The following FBXW5 variants were observed in gnomAD, a reference collection of about 807,000 sequenced individuals.
FBXW5 encodes the protein F-box and WD repeat domain containing 5, also known as F-box/WD repeat-containing protein 5.
Under a neutral mutation model 50.9 loss-of-function variants are expected in FBXW5, and 74 were observed. The ratio of observed to expected loss-of-function variants is 1.45; its 90% CI spans 1.20 to 1.76. The LOEUF (loss-of-function observed/expected upper bound fraction) is 1.76, where lower values mean the gene tolerates loss of function less well. FBXW5 is among the 40% of genes most tolerant of loss of function. The pLI is 0.00. For synonymous variants in FBXW5, 523 were observed against 362.2 expected (o/e 1.44, Z -5.04); for missense variants, 1,073 against 818.8 (o/e 1.31, Z -3.79).
At chr9:136,944,151 A>T (rs1850937090) in intron 1 of FBXW5, 45 bp from the exon 2 acceptor site, 1 of 1,484,762 alleles carries the variant, frequency 6.7e-7, no homozygotes, top group African/African-American at 1.4e-5. Flanking sequence ...CCGGGAAGGG[A>T]GGCCGAGAGC....
Position 136,942,121 on chromosome 9 carries a change from G to A in FBXW5, c.1021C>T (p.Arg341Cys), listed in dbSNP as rs373092014. 24 of 1,611,984 alleles carry A rather than the reference G, an allele frequency of 1.5e-5. No homozygotes were observed. The highest frequency in any genetic ancestry group is 9.3e-5 in the African/African-American group (7 of 75,052). ...TTGCTCTTGGCGCCTGTGGCACTGC[G>A]CTCGGGTGGCTTGGTGTGGCCCTGG... ...LAQGHTKPPE[R>C]SATGAKSKYL... is the part of the protein sequence containing the mutation. Residue 341 changes from arginine to cysteine, a missense_variant, in exon 6 of 9, where the codon CGC becomes TGC. Physicochemically the swap from Arg to Cys is radical, Grantham distance 180. Transcript: ENST00000325285.
intron 2 of FBXW5, 85 bp downstream of exon 2, chr9:136,943,806 G>C: frequency 1.4e-6 from 2 of 1,402,446 alleles, no homozygotes; most frequent in Non-Finnish European, 1.9e-6. Flanking sequence ...GCCGCGGGGC[G>C]GGCCCCCAGC....
At position 136,941,567 on chromosome 9, in the gene FBXW5, A is replaced by T. The variant is rs758054443; in HGVS notation, c.1214T>A (p.Ile405Asn). 1 of 1,610,028 alleles carries T rather than the reference A, an allele frequency of 6.2e-7. No homozygotes were observed. Reference sequence around the variant, plus strand: ...GTCGGGCGACAGGCCCATGCCGATGATGTGTCCGTGTATGTCTATGACGTG... The same window carrying T: ...GTCGGGCGACAGGCCCATGCCGATGTTGTGTCCGTGTATGTCTATGACGTG... ...LDHVIDIHGHIIGMGLSPDNR... is the reference protein window; with the variant it reads ...LDHVIDIHGHNIGMGLSPDNR... Residue 405 changes from isoleucine (I) to asparagine (N), a missense_variant, in exon 7 of 9, where the codon ATC (isoleucine) becomes AAC (asparagine). Transcript: ENST00000325285.
In FBXW5 at chr9:136,943,441, T is replaced by C. The variant is rs1046743187; in HGVS notation, c.259A>G (p.Thr87Ala). 8.7e-6 allele frequency: 14 copies of C among 1,612,826 alleles called. No individual in the cohort carries two copies. Among genetic ancestry groups the C allele is most frequent in the Non-Finnish European group, 1.2e-5 (14 of 1,179,948 alleles). ...YDTVPCVEVQ[T>A]LREHTDQVLH... is the part of the protein sequence containing the mutation. ...ACCTGGTCTGTGTGTTCCCGCAGCGTCTGCACCTCCACGCAGGGCACCGTG... is the reference window on the plus strand; with the variant it reads ...ACCTGGTCTGTGTGTTCCCGCAGCGCCTGCACCTCCACGCAGGGCACCGTG... Residue 87 changes from threonine (T) to alanine (A), a missense_variant, in exon 3 of 9, where the codon ACG becomes GCG. By Grantham distance (58) the Thr-to-Ala change is moderately conservative. Transcript: ENST00000325285.
At position 136,941,189 on chromosome 9, in the gene FBXW5, G is replaced by A. The variant is rs1222104756; in HGVS notation, c.1458-18C>T. ...CCGCCCCGCTGCAGAACAGCGCCTG[G>A]GTGAGCCGGCCGCCCGCCCGCTGCT... On this transcript the variant is annotated intron_variant, in intron 8 of 8. Coordinates refer to ENST00000325285, the MANE Select transcript of FBXW5 (RefSeq NM_018998.4). 2 of 1,599,224 alleles carry A rather than the reference G, an allele frequency of 1.3e-6. No individual in the cohort carries two copies. The highest frequency in any genetic ancestry group is 1.7e-6 in the Non-Finnish European group (2 of 1,175,716).
At position 136,941,252 on chromosome 9, in the gene FBXW5, T is replaced by G; in HGVS notation, c.1456A>C (p.Ser486Arg). 3 of 1,604,124 alleles carry G rather than the reference T, an allele frequency of 1.9e-6. No individual in the cohort carries two copies. Among genetic ancestry groups the G allele is most frequent in the Non-Finnish European group, 2.5e-6 (3 of 1,179,150 alleles). Residue 486 changes from serine to arginine, a missense_variant and splice_region_variant, in exon 8 of 9, where the codon AGC (serine) becomes CGC (arginine). Coordinates refer to ENST00000325285, the MANE Select transcript of FBXW5 (RefSeq NM_018998.4). ...FLDVSRDFVA[S>R]GAEDRHGYIW... The stretch of plus-strand genomic sequence containing the variant: ...CCTGCACCACGCCGCGCCCTGCACC[T>G]GGCCACGAAGTCCCTGCTGACGTCC...
intron 1 of FBXW5, 41 bp from the exon 2 acceptor site, chr9:136,944,147 A>G: frequency 6.7e-7 from 1 of 1,489,128 alleles, no homozygotes; most frequent in East Asian, 2.5e-5. Context: ...AGGCCCGGGA[A>G]GGGAGGCCGA....
rs1181023668 is a variant in FBXW5 at position 136,941,306 on chromosome 9, G to A, written c.1402C>T (p.Pro468Ser). 3 of 1,609,524 alleles carry A rather than the reference G, an allele frequency of 1.9e-6. No homozygotes were observed. The highest frequency in any genetic ancestry group is 1.3e-5 in the African/African-American group (1 of 74,928). The change falls in exon 8 of 9, where the codon CCC (proline) becomes TCC (serine). Residue 468 changes from proline (P) to serine (S), a missense_variant. Pro to Ser is a moderately conservative substitution (Grantham distance 74). Coordinates refer to ENST00000325285, the MANE Select transcript of FBXW5 (RefSeq NM_018998.4). ...RALRAHRAYT[P>S]NDECFFIFLD... ...AAGATGAAGAAGCACTCGTCGTTGG[G>A]CGTGTAGGCGCGGTGCGCACGCAGA...
rs771740743 is a variant in FBXW5 at position 136,942,080 on chromosome 9, G to T, written c.1062C>A (p.Thr354=). ...GTGGGGAGTAGGTGAGGCAGCCAGT[G>T]GTGAAGATGAGGTACTTGCTCTTGG... ...TGAKSKYLIF[T]TGCLTYSPHQ... Residue 354 remains threonine, a synonymous_variant, in exon 6 of 9, where the codon ACC becomes ACA. Coordinates refer to ENST00000325285, the MANE Select transcript of FBXW5 (RefSeq NM_018998.4). 1.9e-6 allele frequency: 3 copies of T among 1,611,932 alleles called. No individual in the cohort carries two copies. The highest frequency in any genetic ancestry group is 1.7e-6 in the Non-Finnish European group (2 of 1,178,532).
rs777472076 is a variant in FBXW5 at position 136,941,059 on chromosome 9, C to T, written c.1570G>A (p.Glu524Lys). ...TCGTCGCTGGCCGTGAGCAGCAGCT[C>T]CTGCTCCTGGGGACTGAAGACCACT... ...NSVVFSPQEQ[E>K]LLLTASDDAT... is the part of the protein sequence containing the mutation. Residue 524 changes from glutamate (E) to lysine (K), a missense_variant, in exon 9 of 9, where the codon GAG becomes AAG. Coordinates refer to ENST00000325285, the MANE Select transcript of FBXW5 (RefSeq NM_018998.4). The T allele has an allele frequency of 6.4e-7, 1 of 1,558,152 alleles. No individual in the cohort carries two copies. Among genetic ancestry groups the T allele is most frequent in the South Asian group, 1.2e-5 (1 of 85,048 alleles).
intron 3 of FBXW5, 59 bp from the exon 4 acceptor site, chr9:136,943,002 T>C: frequency 6.2e-7 from 1 of 1,606,280 alleles, no homozygotes; most frequent in Non-Finnish European, 8.5e-7. Flanking sequence ...GGGGGCCTGC[T>C]ACTACACAGC....
At position 136,943,908 on chromosome 9, in the gene FBXW5, T is replaced by C. The variant is rs1276323494; in HGVS notation, c.176A>G (p.Asp59Gly). 2 of 1,549,972 alleles carry C rather than the reference T, an allele frequency of 1.3e-6. No homozygotes were observed. Among genetic ancestry groups the C allele is most frequent in the Non-Finnish European group, 1.7e-6 (2 of 1,147,000 alleles). Residue 59 changes from aspartate to glycine, a missense_variant, in exon 2 of 9, where the codon GAC (aspartate) becomes GGC (glycine). By Grantham distance (94) the Asp-to-Gly change is moderately conservative. Transcript: ENST00000325285. ...CCACTGACCTGGGTGTCGGGGCACG[T>C]CGCGGGCCACCTGGTAGTAGCGGTA... ...QFYRYYQVAR[D>G]VPRHPAAMSW...
Position 136,944,303 on chromosome 9 carries a change from ATCCCCCGGCC to A in FBXW5, c.-23-207_-23-198del, listed in dbSNP as rs1850946566. The A allele has an allele frequency of 2.8e-5, 18 of 652,170 alleles. No individual in the cohort carries two copies. The Admixed American group carries it at 7.7e-4, about 28-fold the overall frequency. 40.4% of individuals were successfully genotyped at this position (652,170 alleles called of 1,614,324 possible). On this transcript the variant is annotated intron_variant, in intron 1 of 8. Coordinates refer to ENST00000325285, the MANE Select transcript of FBXW5 (RefSeq NM_018998.4). ...CGGGCCGGCCCCTCTCCGCCGCGTCATCCCCCGGCCTCCTGCGGCCGGCAGCGGGCGCCCC... is the reference window on the plus strand; with the variant it reads ...CGGGCCGGCCCCTCTCCGCCGCGTCATCCTGCGGCCGGCAGCGGGCGCCCC...
rs1287932934 is a variant in FBXW5 at position 136,940,499 on chromosome 9, G to C, written c.*429C>G. 1 of 252,150 alleles carries C rather than the reference G, an allele frequency of 4.0e-6. No homozygotes were observed. The highest frequency in any genetic ancestry group is 2.2e-5 in the African/African-American group (1 of 45,394). The allele number at this position is 252,150 out of a possible 1,614,324, so 15.6% of individuals were successfully genotyped here. A position where few individuals can be genotyped will look rare whatever the true frequency, so the allele number is the denominator to read the frequency against. On this transcript the variant is annotated 3_prime_UTR_variant, in exon 9 of 9. Transcript: ENST00000325285. The stretch of plus-strand genomic sequence containing the variant: ...GTGCGTGGACATGCAACACACTCGG[G>C]CCCACAGCAGCGTGACCGGCCGCTC...
rs1325317817 is a variant in FBXW5, at chr9:136,941,634, C to A, written c.1147G>T (p.Gly383Cys). 1.3e-6 allele frequency: 2 copies of A among 1,575,562 alleles called. No homozygotes were observed. The highest frequency in any genetic ancestry group is 8.6e-7 in the Non-Finnish European group (1 of 1,161,140). Residue 383 changes from glycine (G) to cysteine (C), a missense_variant, in exon 7 of 9, where the codon GGT becomes TGT. Gly to Cys is a radical substitution (Grantham distance 159). Coordinates refer to ENST00000325285, the MANE Select transcript of FBXW5 (RefSeq NM_018998.4). ...AAGGCATCGGAGCCCCGGCCCTCAC[C>A]CAGCACGGGCCCTGCCGTGGTCATC... ...HQMTTAGPVL[G>C]EGRGSDAFFD...
Position 136,941,883 on chromosome 9 carries a change from C to T in FBXW5, c.1096+163G>A, listed in dbSNP as rs973186422. 3.3e-5 allele frequency: 48 copies of T among 1,435,670 alleles called. No homozygotes were observed. In the East Asian group the frequency reaches 1.0e-3, roughly 31 times the overall value. 88.9% of individuals were successfully genotyped at this position (1,435,670 alleles called of 1,614,324 possible). A position where few individuals can be genotyped will look rare whatever the true frequency, so the allele number is the denominator to read the frequency against. ...GCGGCCCTGCCTGCGTTTGTTTTCA[C>T]TGCTCATCCCACAGGCCCCAGGTCT... On this transcript the variant is annotated intron_variant, in intron 6 of 8. Coordinates refer to ENST00000325285, the MANE Select transcript of FBXW5 (RefSeq NM_018998.4).
At chr9:136,944,343 C>G in intron 1 of FBXW5, 1 of 601,064 alleles carries the variant, frequency 1.7e-6, no homozygotes, top group Non-Finnish European at 2.3e-6. Context: ...CGCCCCTCAG[C>G]CCGCCAGGGC....
At chr9:136,942,988 G>A in intron 3 of FBXW5, 45 bp from the exon 4 acceptor site, 1 of 1,609,826 alleles carries the variant, frequency 6.2e-7, no homozygotes, top group Non-Finnish European at 8.5e-7. Flanking sequence ...CCAGGTCGCG[G>A]GGCGGGGGCC....
At position 136,942,595 on chromosome 9, in the gene FBXW5, G is replaced by A. The variant is rs369275132; in HGVS notation, c.627C>T (p.Ile209=). 1.6e-5 allele frequency: 26 copies of A among 1,611,194 alleles called. No individual in the cohort carries two copies. The highest frequency in any genetic ancestry group is 6.7e-5 in the East Asian group (3 of 44,836). Residue 209 remains isoleucine (I), a synonymous_variant, in exon 5 of 9, where the codon ATC becomes ATT. Coordinates refer to ENST00000325285, the MANE Select transcript of FBXW5 (RefSeq NM_018998.4). ...TSLISGNLHR[I]GDITSCSVLW... ...GCACCGAGCAGGAGGTGATATCTCC[G>A]ATGCGGTGCAGGTTCCCCGAGATGA...
Sources: allele counts gnomAD v4.1 joint callset, GRCh38; gene constraint gnomAD v4.1.1; transcripts MANE v1.5; gene names NCBI Gene and HGNC (gene_info 2026-07-23, HGNC 2026-07-21).